The following WWOX variants were observed in gnomAD, a reference collection of about 807,000 sequenced individuals.
WWOX encodes the protein WW domain-containing oxidoreductase.
Under a neutral mutation model 46.2 loss-of-function variants are expected in WWOX, and 69 were observed. That is an observed-to-expected ratio of 1.49 (90% CI 1.23 to 1.82). WWOX has a LOEUF of 1.82. WWOX is among the 40% of genes most tolerant of loss of function. The pLI is 0.00. For missense variants in WWOX, 919 were observed against 542.6 expected (o/e 1.69, Z -6.89); for synonymous variants, 359 against 202.6 (o/e 1.77, Z -6.56).
At chr16:78,937,393 A>T (rs1012439267) in intron 8 of WWOX, among the ~76,000 whole-genome samples, 2 of 144,478 alleles carry the variant, frequency 1.4e-5, no homozygotes, top group South Asian at 4.4e-4. Context: ...TTCTATGGTT[A>T]TGTAAATTAT....
intron 8 of WWOX, among the ~76,000 whole-genome samples, chr16:78,677,435 G>A (rs111512417): frequency 2.6e-5 from 4 of 152,266 alleles, no homozygotes; most frequent in African/African-American, 9.6e-5. Flanking sequence ...TTTTCAAGTT[G>A]AGAAGTTTCA....
intron 8 of WWOX, among the ~76,000 whole-genome samples, chr16:78,715,482 GT>G (rs11302673): frequency 0.05 from 4,945 of 98,938 alleles, 293 homozygotes; most frequent in African/African-American, 0.17. Flanking sequence ...CCTACCCACC[GT>G]TTTTTGTTTT....
chr16:78,144,390 T>G (rs1341665659), intron 4 of WWOX, among the ~76,000 whole-genome samples: 1 of 136,520 alleles, frequency 7.3e-6, no homozygotes, highest in Non-Finnish European at 1.6e-5. Context: ...GATAGCCTGA[T>G]GTTTTATTAG....
chr16:78,857,435 T>C (rs2052592646), intron 8 of WWOX, among the ~76,000 whole-genome samples: 1 of 152,138 alleles, frequency 6.6e-6, no homozygotes, highest in Non-Finnish European at 1.5e-5. Flanking sequence ...GAATAGAACC[T>C]TTTTTTCCAT....
intron 8 of WWOX, among the ~76,000 whole-genome samples, chr16:78,840,377 G>A (rs992906162): frequency 4.6e-5 from 7 of 152,154 alleles, no homozygotes; most frequent in East Asian, 3.9e-4. Flanking sequence ...GCCACTGTAC[G>A]TCTGTGGTTG....
chr16:79,151,133 C>CT (rs2050270393), intron 8 of WWOX, among the ~76,000 whole-genome samples: 1 of 151,866 alleles, frequency 6.6e-6, no homozygotes, highest in Admixed American at 6.6e-5. Context: ...GACTCATTTC[C>CT]CCAGAAAATT....
intron 8 of WWOX, among the ~76,000 whole-genome samples, chr16:78,702,201 G>C (rs2048239762): frequency 6.8e-6 from 1 of 147,736 alleles, no homozygotes; most frequent in African/African-American, 2.5e-5. Flanking sequence ...AGTCACTTAA[G>C]ACTGGGAGCT....
chr16:78,354,678 A>T lies in WWOX; in HGVS notation c.517-32182A>T, dbSNP rs148548557. The stretch of plus-strand genomic sequence containing the variant: ...ATAGTTGGATTTTGTTTTTTGGTTC[A>T]ATGTAAGAATATTCTTAAACTAGGT... On this transcript the variant is annotated intron_variant, in intron 5 of 8. Transcript: ENST00000566780. Among the ~76,000 whole-genome samples the T allele has an allele frequency of 6.6e-5, 10 of 150,430 alleles. No homozygotes were observed. In the East Asian group the frequency reaches 1.9e-3, roughly 29 times the overall value.
intron 5 of WWOX, among the ~76,000 whole-genome samples, chr16:78,239,790 C>T (rs929786874): frequency 6.6e-5 from 10 of 152,116 alleles, no homozygotes; most frequent in African/African-American, 2.4e-4. Flanking sequence ...CAGTCTCAAC[C>T]TCCCAAAATG....
At chr16:78,873,188 G>A (rs1250514114) in intron 8 of WWOX, 1 of 152,066 alleles carries the variant, frequency 6.6e-6, no homozygotes, top group Non-Finnish European at 1.5e-5. Context: ...TTTGAGTCGT[G>A]CACTTATTAT....
chr16:78,489,523 C>T (rs572125876), intron 8 of WWOX, among the ~76,000 whole-genome samples: 9 of 152,054 alleles, frequency 5.9e-5, no homozygotes, highest in Non-Finnish European at 1.3e-4. Flanking sequence ...TTTTCATTCT[C>T]CCCTTAGCAG....
At chr16:78,672,319 C>T (rs1401143789) in intron 8 of WWOX, among the ~76,000 whole-genome samples, 1 of 152,210 alleles carries the variant, frequency 6.6e-6, no homozygotes, top group East Asian at 1.9e-4. Flanking sequence ...GAAAATACAG[C>T]TCTCAAGGCG....
chr16:78,812,835 A>C (rs73577414), intron 8 of WWOX, among the ~76,000 whole-genome samples: 3 of 152,200 alleles, frequency 2.0e-5, no homozygotes, highest in Non-Finnish European at 4.4e-5. Context: ...TAAGTTTTCA[A>C]ACTTTTTAAA....
chr16:78,597,471 C>G, intron 8 of WWOX, among the ~76,000 whole-genome samples: 1 of 152,146 alleles, frequency 6.6e-6, no homozygotes, highest in East Asian at 1.9e-4. Context: ...TGTCTTTGGT[C>G]CACCATTAAG....
intron 4 of WWOX, among the ~76,000 whole-genome samples, chr16:78,146,239 G>A (rs1233627191): frequency 1.3e-5 from 2 of 152,078 alleles, no homozygotes; most frequent in Non-Finnish European, 2.9e-5. Context: ...CCTCTGCCTG[G>A]CAAGCCGTGC....
At chr16:78,674,278 CT>C (rs11386735) in intron 8 of WWOX, among the ~76,000 whole-genome samples, 191 of 138,700 alleles carry the variant, frequency 1.4e-3, no homozygotes, top group East Asian at 7.6e-3. Flanking sequence ...ACCAGTTCAT[CT>C]TTTTTTTTTT....
intron 8 of WWOX, among the ~76,000 whole-genome samples, chr16:79,125,935 T>A (rs2049744135): frequency 6.6e-6 from 1 of 152,240 alleles, no homozygotes; most frequent in Non-Finnish European, 1.5e-5. Flanking sequence ...CTGTCATCTC[T>A]GTGAGTGCAG....
At position 78,334,805 on chromosome 16, in the gene WWOX, C is replaced by CGT. The variant is rs2080842492; in HGVS notation, c.517-52055_517-52054insGT. On this transcript the variant is annotated intron_variant, in intron 5 of 8. Coordinates refer to ENST00000566780, the MANE Select transcript of WWOX (RefSeq NM_016373.4). ...AAAGTCTCCCCTCCACACACACACA[C>CGT]ACGCACACACACACACACACACACA... is the stretch of plus-strand genomic sequence containing the variant. Among the ~76,000 whole-genome samples the CGT allele has an allele frequency of 1.5e-4, 7 of 45,476 alleles. 1 individual carries two copies. The highest frequency in any genetic ancestry group is 1.1e-4 in the African/African-American group (1 of 9,286). 29.8% of individuals were successfully genotyped at this position (45,476 alleles called of 152,430 possible).
intron 8 of WWOX, among the ~76,000 whole-genome samples, chr16:78,534,163 C>T (rs539754181): frequency 5.7e-4 from 87 of 152,230 alleles, no homozygotes; most frequent in Non-Finnish European, 1.1e-3. Flanking sequence ...TGGACATCCT[C>T]GATGTATTAG....
Sources: gnomAD v4.1 joint callset for allele counts (sites outside exome capture counted in the v4.1 genomes callset) on GRCh38, gnomAD v4.1.1 for gene constraint, MANE v1.5 for transcripts, NCBI Gene and HGNC (gene_info 2026-07-23, HGNC 2026-07-21) for gene names.